TMTC1: variants seen among roughly 807,000 people sequenced by gnomAD.
TMTC1 encodes transmembrane O-mannosyltransferase targeting cadherins 1.
Under a neutral mutation model 104.8 loss-of-function variants are expected in TMTC1, and 73 were observed. The ratio of observed to expected loss-of-function variants is 0.70; its 90% CI spans 0.58 to 0.85. The LOEUF (loss-of-function observed/expected upper bound fraction) is 0.85, where lower values mean the gene tolerates loss of function less well. Ranked by LOEUF, TMTC1 falls within the 40% of genes least tolerant of loss-of-function variation. The pLI, the probability that TMTC1 is intolerant of heterozygous loss-of-function variation, is 0.00. For synonymous variants in TMTC1, 434 were observed against 428.7 expected (o/e 1.01, Z -0.15); for missense variants, 1,035 against 1,096.1 (o/e 0.94, Z 0.79).
At chr12:29,553,595 A>C (rs1945162434) in intron 10 of TMTC1, among the ~76,000 whole-genome samples, 1 of 152,202 alleles carries the variant, frequency 6.6e-6, no homozygotes, top group African/African-American at 2.4e-5. Flanking sequence ...GGCACTCAGG[A>C]AACAGTAAAG....
intron 2 of TMTC1, among the ~76,000 whole-genome samples, chr12:29,764,552 C>G (rs1943421619): frequency 6.6e-6 from 1 of 152,084 alleles, no homozygotes; most frequent in Non-Finnish European, 1.5e-5. Context: ...CTGGAAAGTA[C>G]ATCTCTTTTT....
intron 5 of TMTC1, among the ~76,000 whole-genome samples, chr12:29,656,934 T>C (rs564804870): frequency 4.6e-5 from 7 of 152,304 alleles, no homozygotes; most frequent in Admixed American, 3.9e-4. Flanking sequence ...CTAGGACAGC[T>C]GTGAGTCAGA....
At chr12:29,530,481 G>C (rs943493870) in intron 11 of TMTC1, among the ~76,000 whole-genome samples, 2 of 152,104 alleles carry the variant, frequency 1.3e-5, no homozygotes, top group Non-Finnish European at 2.9e-5. Context: ...CTGTGCATAG[G>C]GTGCCTCTGC....
At chr12:29,769,651 G>A (rs1943551750) in intron 1 of TMTC1, among the ~76,000 whole-genome samples, 1 of 152,162 alleles carries the variant, frequency 6.6e-6, no homozygotes, top group Admixed American at 6.6e-5. Context: ...CCACCCCTCT[G>A]AGACTGATTT....
At chr12:29,694,053 A>T (rs528212864) in intron 5 of TMTC1, among the ~76,000 whole-genome samples, 1 of 152,332 alleles carries the variant, frequency 6.6e-6, no homozygotes, top group East Asian at 1.9e-4. Context: ...ATCAAATATT[A>T]GCTGCAGCTT....
chr12:29,589,582 C>T (rs1167564392), intron 7 of TMTC1, among the ~76,000 whole-genome samples: 4 of 152,214 alleles, frequency 2.6e-5, no homozygotes, highest in Non-Finnish European at 4.4e-5. Context: ...TCTCAATAGT[C>T]ATTTTCTGCC....
intron 9 of TMTC1, among the ~76,000 whole-genome samples, chr12:29,564,247 C>G (rs1296157497): frequency 6.6e-6 from 1 of 152,094 alleles, no homozygotes; most frequent in Non-Finnish European, 1.5e-5. Flanking sequence ...GTAGATGGCT[C>G]TGATCATCAG....
intron 5 of TMTC1, among the ~76,000 whole-genome samples, chr12:29,713,407 AT>A (rs1941992092): frequency 1.3e-5 from 2 of 151,638 alleles, no homozygotes; most frequent in East Asian, 3.9e-4. Context: ...AATGTTCTCC[AT>A]CAGTTTGGAG....
intron 11 of TMTC1, chr12:29,530,094 C>T (rs1049962249): frequency 9.9e-5 from 15 of 152,180 alleles, no homozygotes; most frequent in East Asian, 5.8e-4. Flanking sequence ...CCTTCATTCT[C>T]TATACTTCCA....
At position 29,514,379 on chromosome 12, in the gene TMTC1, T is replaced by C. The variant is rs996075206; in HGVS notation, c.2430+103A>G. The stretch of plus-strand genomic sequence containing the variant: ...AACTCACTCACTCCATAAACATACA[T>C]GCCAGTGATCTTAGATCTTACTGTA... On this transcript the variant is annotated intron_variant, in intron 16 of 17. Coordinates refer to ENST00000539277, the MANE Select transcript of TMTC1 (RefSeq NM_001193451.2). The C allele has an allele frequency of 1.0e-5, 13 of 1,244,416 alleles. No homozygotes were observed. The African/African-American group carries it at 1.3e-4, about 13-fold the overall frequency. The allele number at this position is 1,244,416 out of a possible 1,614,324, so 77.1% of individuals were successfully genotyped here.
chr12:29,643,974 A>AATATATATAAATATATAATTTATAT, intron 5 of TMTC1, among the ~76,000 whole-genome samples: 1 of 109,782 alleles, frequency 9.1e-6, no homozygotes, highest in East Asian at 2.4e-4. Flanking sequence ...CTTACATATA[A>AATATATATAAATATATAATTTATAT]ATATATATAA....
intron 1 of TMTC1, among the ~76,000 whole-genome samples, chr12:29,773,646 A>G (rs1486596792): frequency 6.6e-6 from 1 of 152,124 alleles, no homozygotes; most frequent in Non-Finnish European, 1.5e-5. Flanking sequence ...CCTGGAATAA[A>G]TTTTAGCAAA....
intron 5 of TMTC1, among the ~76,000 whole-genome samples, chr12:29,697,392 T>A (rs1941455527): frequency 6.6e-6 from 1 of 152,272 alleles, no homozygotes; most frequent in Non-Finnish European, 1.5e-5. Flanking sequence ...AATCTGAGGA[T>A]GCTCACAATG....
intron 4 of TMTC1, 145 bp from the exon 5 acceptor site, chr12:29,752,017 T>C: frequency 1.3e-6 from 1 of 745,008 alleles, no homozygotes. Context: ...TTTCTGATAT[T>C]TACTGCCATA....
chr12:29,671,977 C>T (rs1367615937), intron 5 of TMTC1, among the ~76,000 whole-genome samples: 1 of 152,180 alleles, frequency 6.6e-6, no homozygotes, highest in Admixed American at 6.5e-5. Flanking sequence ...GCTCTCTGCA[C>T]ATACAGTATA....
intron 5 of TMTC1, among the ~76,000 whole-genome samples, chr12:29,649,724 A>G (rs975790019): frequency 1.3e-5 from 2 of 152,262 alleles, no homozygotes; most frequent in Non-Finnish European, 2.9e-5. Flanking sequence ...TTTTGAAGAC[A>G]GAAAATTGGA....
chr12:29,633,462 A>T, intron 5 of TMTC1, 126 bp from the exon 6 acceptor site: 1 of 782,150 alleles, frequency 1.3e-6, no homozygotes, highest in Non-Finnish European at 1.9e-6. Context: ...GGAGAAGACA[A>T]GGGAAGATGG....
At chr12:29,578,908 T>C (rs1945899182) in intron 8 of TMTC1, among the ~76,000 whole-genome samples, 1 of 152,218 alleles carries the variant, frequency 6.6e-6, no homozygotes, top group South Asian at 2.1e-4. Context: ...ACAGGATGGA[T>C]AGTACTTATG....
intron 5 of TMTC1, 28 bp downstream of exon 5, chr12:29,751,638 G>T: frequency 6.2e-7 from 1 of 1,612,488 alleles, no homozygotes. Context: ...TTGAAAACAT[G>T]CAGGGACCAA....
Sources: gnomAD v4.1 joint callset for allele counts (sites outside exome capture counted in the v4.1 genomes callset) on GRCh38, gnomAD v4.1.1 for gene constraint, MANE v1.5 for transcripts, NCBI Gene and HGNC (gene_info 2026-07-23, HGNC 2026-07-21) for gene names.